Variants in CD99L2 observed in about 807,000 individuals in gnomAD.
CD99L2 encodes the protein CD99 molecule like 2, also known as CD99 antigen-like protein 2.
A neutral mutation model predicts 27.3 loss-of-function variants in CD99L2; 24 were observed. The ratio of observed to expected loss-of-function variants is 0.88; its 90% CI spans 0.64 to 1.24. CD99L2 has a LOEUF of 1.24. Ranked by LOEUF, CD99L2 falls within the 50% of genes most tolerant of loss-of-function variation. The probability of loss-of-function intolerance (pLI) is 0.00; values close to 1 mark genes in which losing one functional copy is unlikely to be tolerated. For synonymous variants in CD99L2, 97 were observed against 87.9 expected (o/e 1.10, Z -0.58); for missense variants, 255 against 221.6 (o/e 1.15, Z -0.96).
chrX:150,865,163 G>A (rs1397487192), intron 1 of CD99L2, among the ~76,000 whole-genome samples: 1 of 110,638 alleles, frequency 9.0e-6, no homozygotes, highest in African/African-American at 3.3e-5. Context: ...GAGAGGGGGG[G>A]AAAGTATAGA....
chrX:150,801,130 TC>T (rs2045899868), intron 4 of CD99L2, among the ~76,000 whole-genome samples: 1 of 111,217 alleles, frequency 9.0e-6, no homozygotes, highest in Non-Finnish European at 1.9e-5. Flanking sequence ...AAAGGAATTA[TC>T]ACCAATTGTA....
chrX:150,895,654 G>A (rs984058623), intron 1 of CD99L2, among the ~76,000 whole-genome samples: 5 of 111,630 alleles, frequency 4.5e-5, no homozygotes, highest in Admixed American at 9.6e-5. Flanking sequence ...TCATTTTGAC[G>A]CAGCAGCTCT....
intron 1 of CD99L2, among the ~76,000 whole-genome samples, chrX:150,895,905 A>G (rs187581541): frequency 4.5e-4 from 49 of 108,818 alleles, no homozygotes; most frequent in African/African-American, 1.5e-3. Flanking sequence ...TGGCGCCTGT[A>G]GTCCCAGCTA....
chrX:150,865,506 T>A (rs1234575742), intron 1 of CD99L2, among the ~76,000 whole-genome samples: 1 of 111,607 alleles, frequency 9.0e-6, no homozygotes, highest in Admixed American at 9.5e-5. Context: ...AATAGATAGA[T>A]AAATAAATAA....
At chrX:150,769,648 ACTC>A (rs2043381909) in intron 10 of CD99L2, among the ~76,000 whole-genome samples, 1 of 108,162 alleles carries the variant, frequency 9.2e-6, no homozygotes, top group South Asian at 3.8e-4. Flanking sequence ...CACTGGCAAC[ACTC>A]GCCTGAGCTG....
At chrX:150,850,314 G>C (rs782083278) in intron 1 of CD99L2, among the ~76,000 whole-genome samples, 1 of 111,399 alleles carries the variant, frequency 9.0e-6, no homozygotes, top group African/African-American at 3.3e-5. Context: ...GCCAGGCTTG[G>C]CAGCAGGCAC....
At chrX:150,870,442 G>A (rs1298002157) in intron 1 of CD99L2, among the ~76,000 whole-genome samples, 1 of 112,078 alleles carries the variant, frequency 8.9e-6, no homozygotes, top group African/African-American at 3.2e-5. Flanking sequence ...ACAAAAATGA[G>A]CCGGGCATTG....
At chrX:150,838,002 G>A (rs1244635913) in intron 1 of CD99L2, among the ~76,000 whole-genome samples, 4 of 112,310 alleles carry the variant, frequency 3.6e-5, no homozygotes, top group Non-Finnish European at 5.6e-5. Context: ...GGGTGACCAA[G>A]GTCAACATGT....
chrX:150,792,796 C>G (rs1171750899), intron 7 of CD99L2, among the ~76,000 whole-genome samples: 1 of 112,215 alleles, frequency 8.9e-6, no homozygotes, highest in Non-Finnish European at 1.9e-5. Context: ...AGGTTACAAC[C>G]ACAAGTTACA....
intron 1 of CD99L2, among the ~76,000 whole-genome samples, chrX:150,887,227 A>G (rs1332194218): frequency 9.1e-6 from 1 of 109,343 alleles, no homozygotes; most frequent in African/African-American, 3.3e-5. Context: ...GGGTGGATCA[A>G]CTGAGGTCAG....
chrX:150,843,742 G>T (rs952855919), intron 1 of CD99L2, among the ~76,000 whole-genome samples: 1 of 110,850 alleles, frequency 9.0e-6, no homozygotes, highest in Non-Finnish European at 1.9e-5. Flanking sequence ...TCTTAGTCTG[G>T]TAAATCATAG....
At chrX:150,873,337 C>T (rs2047184579) in intron 1 of CD99L2, among the ~76,000 whole-genome samples, 1 of 112,153 alleles carries the variant, frequency 8.9e-6, no homozygotes, top group Non-Finnish European at 1.9e-5. Context: ...TATGAGTCCA[C>T]TTACAAGAAA....
chrX:150,771,778 A>C, intron 9 of CD99L2: 1 of 1,154,160 alleles, frequency 8.7e-7, no homozygotes, highest in South Asian at 1.9e-5. Context: ...AAGCAAAAGG[A>C]AAGTGAGGAA....
chrX:150,783,971 G>A (rs925097772), intron 7 of CD99L2, among the ~76,000 whole-genome samples: 7 of 111,713 alleles, frequency 6.3e-5, no homozygotes, highest in Admixed American at 3.8e-4. Context: ...GAGCTGTCAC[G>A]AAAACTCTAG....
intron 4 of CD99L2, among the ~76,000 whole-genome samples, chrX:150,812,731 C>A (rs1176478385): frequency 8.9e-6 from 1 of 112,170 alleles, no homozygotes; most frequent in Non-Finnish European, 1.9e-5. Flanking sequence ...TATGTTCACA[C>A]AAAAATACTA....
chrX:150,816,705 C>G (rs2046161378), intron 2 of CD99L2, among the ~76,000 whole-genome samples: 1 of 108,443 alleles, frequency 9.2e-6, no homozygotes, highest in Admixed American at 9.9e-5. Flanking sequence ...GGGTATATAC[C>G]CAAAGGACTA....
intron 2 of CD99L2, among the ~76,000 whole-genome samples, chrX:150,817,337 C>T (rs1361511123): frequency 1.8e-5 from 2 of 110,139 alleles, no homozygotes; most frequent in East Asian, 2.8e-4. Context: ...AGCTAATTGA[C>T]GATTTAAAAA....
intron 7 of CD99L2, among the ~76,000 whole-genome samples, chrX:150,792,365 C>G (rs1266541965): frequency 8.9e-6 from 1 of 112,033 alleles, no homozygotes; most frequent in Non-Finnish European, 1.9e-5. Flanking sequence ...TCTGGAAATA[C>G]CACTTATCAC....
intron 1 of CD99L2, among the ~76,000 whole-genome samples, chrX:150,891,405 T>C (rs920483962): frequency 2.7e-5 from 3 of 111,785 alleles, no homozygotes; most frequent in Admixed American, 9.5e-5. Flanking sequence ...TCCTGGCCCC[T>C]TGCTCCATCT....
Sources: gnomAD v4.1 joint callset for allele counts (sites outside exome capture counted in the v4.1 genomes callset) on GRCh38, gnomAD v4.1.1 for gene constraint, MANE v1.5 for transcripts, NCBI Gene and HGNC (gene_info 2026-07-23, HGNC 2026-07-21) for gene names.